Variants in PHF20 observed in about 807,000 individuals in gnomAD.
The protein encoded by PHF20 is PHD finger protein 20.
A neutral mutation model predicts 113.5 loss-of-function variants in PHF20; 23 were observed. That is an observed-to-expected ratio of 0.20 (90% CI 0.15 to 0.29). The LOEUF is 0.29. PHF20 is among the 10% of genes least tolerant of loss of function. The pLI is 1.00. For synonymous variants in PHF20, 434 were observed against 457.3 expected, an observed-to-expected ratio of 0.95 and a Z score of 0.65; for missense variants, 943 against 1,219.6, an observed-to-expected ratio of 0.77 and a Z score of 3.38.
In PHF20 at chr20:35,825,787, G is replaced by A. The variant is rs747623828; in HGVS notation, c.84-16786G>A. ...TCTTGCCTCAGCCTCCTGTGTAGTT[G>A]GGATTATAGGCATGCACTATAGCAC... On this transcript the variant is annotated intron_variant, in intron 2 of 17. Transcript: ENST00000374012. Among the ~76,000 whole-genome samples, 11 of 152,162 alleles carry A rather than the reference G, an allele frequency of 7.2e-5. No homozygotes were observed. In the East Asian group the frequency reaches 1.9e-3, roughly 27 times the overall value.
intron 2 of PHF20, among the ~76,000 whole-genome samples, chr20:35,808,791 C>G (rs1315458068): frequency 1.3e-5 from 2 of 151,656 alleles, no homozygotes; most frequent in South Asian, 2.1e-4. Flanking sequence ...CCAGGATGGT[C>G]TCGATCTCCT....
At chr20:35,864,407 A>AACACACACACACACACAC (rs376477234) in intron 6 of PHF20, among the ~76,000 whole-genome samples, 9 of 132,528 alleles carry the variant, frequency 6.8e-5, no homozygotes, top group African/African-American at 1.4e-4. Flanking sequence ...CCCATCTCAA[A>AACACACACACACACACAC]ACACACACAC....
intron 4 of PHF20, chr20:35,853,483 T>A (rs929985216): frequency 6.6e-6 from 1 of 152,154 alleles, no homozygotes; most frequent in Non-Finnish European, 1.5e-5. Flanking sequence ...ATGGCACACA[T>A]CTGTAATTCC....
chr20:35,781,876 G>A (rs1051824748), intron 1 of PHF20, among the ~76,000 whole-genome samples: 1 of 152,076 alleles, frequency 6.6e-6, no homozygotes, highest in Non-Finnish European at 1.5e-5. Context: ...ACGCGGGGGC[G>A]GGTGGAGGTT....
chr20:35,841,876 T>A (rs2042542412), intron 2 of PHF20, among the ~76,000 whole-genome samples: 1 of 152,224 alleles, frequency 6.6e-6, no homozygotes, highest in African/African-American at 2.4e-5. Context: ...GCATGGTCAT[T>A]CTGATTTATT....
Position 35,871,051 on chromosome 20 carries a change from T to G in PHF20, c.1019T>G (p.Leu340Arg). 6.2e-7 allele frequency: 1 copy of G among 1,613,580 alleles called. No individual in the cohort carries two copies. The highest frequency in any genetic ancestry group is 1.6e-4 in the Middle Eastern group (1 of 6,062). ...TCCACTAATGGGACCCATGAGATCCTAGATCCTGACTTGGTTGTATCAGAT... is the reference window on the plus strand; with the variant it reads ...TCCACTAATGGGACCCATGAGATCCGAGATCCTGACTTGGTTGTATCAGAT... ...RLSTNGTHEILDPDLVVSDLV... is the reference protein window; with the variant it reads ...RLSTNGTHEIRDPDLVVSDLV... The change falls in exon 8 of 18, where the codon CTA (leucine) becomes CGA (arginine). Residue 340 changes from leucine to arginine, a missense_variant. By Grantham distance (102) the Leu-to-Arg change is moderately radical. Transcript: ENST00000374012.
At chr20:35,904,008 A>G (rs765860739) in intron 10 of PHF20, among the ~76,000 whole-genome samples, 6 of 152,016 alleles carry the variant, frequency 3.9e-5, no homozygotes, top group Non-Finnish European at 7.4e-5. Context: ...AAAGAATAGA[A>G]CCAACTTAAT....
chr20:35,916,595 T>C (rs2055407997), intron 12 of PHF20, among the ~76,000 whole-genome samples: 2 of 149,754 alleles, frequency 1.3e-5, no homozygotes, highest in Non-Finnish European at 3.0e-5. Context: ...AGCCTCCCCA[T>C]AGCTGGGATT....
chr20:35,847,262 A>G (rs2042640883), intron 3 of PHF20, 88 bp from the exon 4 acceptor site: 2 of 808,074 alleles, frequency 2.5e-6, no homozygotes, highest in South Asian at 3.4e-5. Flanking sequence ...TATCAATCCC[A>G]GCTTCTTTTA....
At chr20:35,806,095 C>T (rs554445800) in intron 2 of PHF20, among the ~76,000 whole-genome samples, 3 of 151,708 alleles carry the variant, frequency 2.0e-5, no homozygotes, top group African/African-American at 7.2e-5. Context: ...GAACTCCTGA[C>T]CTTGTGATCT....
At chr20:35,809,311 G>A (rs1449191699) in intron 2 of PHF20, among the ~76,000 whole-genome samples, 1 of 151,946 alleles carries the variant, frequency 6.6e-6, no homozygotes, top group African/African-American at 2.4e-5. Context: ...TGGTGTGGTG[G>A]CTCACACCTG....
intron 9 of PHF20, chr20:35,887,643 G>A (rs1353168071): frequency 6.6e-6 from 1 of 152,066 alleles, no homozygotes; most frequent in South Asian, 2.1e-4. Flanking sequence ...GCCATATTCT[G>A]TTAGAGACAG....
At chr20:35,934,291 T>A (rs1055059754) in intron 15 of PHF20, among the ~76,000 whole-genome samples, 3 of 152,240 alleles carry the variant, frequency 2.0e-5, no homozygotes, top group African/African-American at 7.2e-5. Context: ...ACATTGGGTC[T>A]GCGTTGGTTT....
intron 13 of PHF20, 111 bp downstream of exon 13, chr20:35,917,773 C>T (rs1056320182): frequency 1.7e-5 from 15 of 872,160 alleles, no homozygotes; most frequent in African/African-American, 5.1e-5. Context: ...AAACACAGCA[C>T]GAACGGCAGC....
In PHF20 at chr20:35,946,741, C is replaced by T. The variant is rs528530057; in HGVS notation, c.2897-744C>T. Among the ~76,000 whole-genome samples, 89 of 149,500 alleles carry T rather than the reference C, an allele frequency of 6.0e-4. 2 individuals carry two copies. The South Asian group carries it at 0.015, about 26-fold the overall frequency. On this transcript the variant is annotated intron_variant, in intron 17 of 17. Coordinates refer to ENST00000374012, the MANE Select transcript of PHF20 (RefSeq NM_016436.5). Reference sequence around the variant, plus strand: ...TATTTTATTTTTTGAGATGGAGTCTCGCTTTGTCGCCAGGCTGGAGTGCAG... The same window carrying T: ...TATTTTATTTTTTGAGATGGAGTCTTGCTTTGTCGCCAGGCTGGAGTGCAG...
intron 1 of PHF20, among the ~76,000 whole-genome samples, chr20:35,772,952 C>G (rs1276990089): frequency 6.6e-6 from 1 of 152,156 alleles, no homozygotes; most frequent in Non-Finnish European, 1.5e-5. Flanking sequence ...TGAGGTTGGG[C>G]CGAAAACAAT....
intron 9 of PHF20, among the ~76,000 whole-genome samples, chr20:35,896,799 CAAA>C (rs34377497): frequency 8.0e-5 from 5 of 62,492 alleles, no homozygotes; most frequent in Non-Finnish European, 6.5e-5. Context: ...GACTCCGTCT[CAAA>C]AAAAAAAAAA....
At chr20:35,818,411 C>T (rs143777090) in intron 2 of PHF20, among the ~76,000 whole-genome samples, 403 of 152,328 alleles carry the variant, frequency 2.6e-3, no homozygotes, top group African/African-American at 9.0e-3. Flanking sequence ...CAGGCATGTG[C>T]CGCCACCCTT....
intron 9 of PHF20, among the ~76,000 whole-genome samples, chr20:35,895,707 A>T (rs1220541657): frequency 7.1e-5 from 8 of 113,116 alleles, no homozygotes; most frequent in Non-Finnish European, 1.4e-4. Flanking sequence ...TTTTTTTGAG[A>T]CAGAGTTTCA....
Sources: allele counts gnomAD v4.1 joint callset (sites outside exome capture counted in the v4.1 genomes callset), GRCh38; gene constraint gnomAD v4.1.1; transcripts MANE v1.5; gene names NCBI Gene and HGNC (gene_info 2026-07-23, HGNC 2026-07-21).